The following HDAC9 variants were observed in gnomAD, a reference collection of about 807,000 sequenced individuals.
The protein encoded by HDAC9 is MEF-2 interacting transcription repressor (MITR) protein.
HDAC9 carries 41 observed loss-of-function variants against 139.4 expected under a neutral mutation model. The observed-to-expected ratio is 0.29, with a 90% CI of 0.23 to 0.38. The LOEUF is 0.38. Ranked by LOEUF, HDAC9 falls within the 10% of genes least tolerant of loss-of-function variation. The pLI, the probability that HDAC9 is intolerant of heterozygous loss-of-function variation, is 1.00. For synonymous variants in HDAC9, 517 were observed against 476.2 expected, an observed-to-expected ratio of 1.09 and a Z score of -1.12; for missense variants, 1,147 against 1,297.0, an observed-to-expected ratio of 0.88 and a Z score of 1.78.
At chr7:18,122,778 C>G (rs115912085) in intron 1 of HDAC9, among the ~76,000 whole-genome samples, 1 of 152,054 alleles carries the variant, frequency 6.6e-6, no homozygotes, top group South Asian at 2.1e-4. Flanking sequence ...GCCACCATAC[C>G]GAGCTAATTT....
chr7:18,788,542 G>T (rs1306983769), intron 16 of HDAC9, among the ~76,000 whole-genome samples: 1 of 152,002 alleles, frequency 6.6e-6, no homozygotes, highest in Non-Finnish European at 1.5e-5. Context: ...ATCACCTGAG[G>T]TCAGGAGTTC....
chr7:18,618,739 T>C (rs1056295672), intron 6 of HDAC9, among the ~76,000 whole-genome samples: 129 of 99,558 alleles, frequency 1.3e-3, no homozygotes, highest in African/African-American at 5.0e-3. Context: ...TATATATATA[T>C]ATATATATAT....
At chr7:18,712,135 G>T (rs1441915457) in intron 12 of HDAC9, among the ~76,000 whole-genome samples, 1 of 151,658 alleles carries the variant, frequency 6.6e-6, no homozygotes, top group Non-Finnish European at 1.5e-5. Context: ...AATAAATAGG[G>T]GTACTTTAAG....
At chr7:18,964,095 T>C (rs987281291) in intron 24 of HDAC9, among the ~76,000 whole-genome samples, 3 of 152,152 alleles carry the variant, frequency 2.0e-5, no homozygotes, top group Non-Finnish European at 4.4e-5. Flanking sequence ...CTTCAAGAGA[T>C]TGTCATGATG....
In HDAC9 at chr7:18,647,882, C is replaced by T; in HGVS notation, c.1133C>T (p.Ser378Phe). Residue 378 changes from serine to phenylalanine, a missense_variant, in exon 10 of 26, where the codon TCT becomes TTT. Coordinates refer to ENST00000686413, the MANE Select transcript of HDAC9 (RefSeq NM_178425.4). Reference protein sequence around the residue: ...PGQYGGSIPASSSHPHVTLEG... With the variant: ...PGQYGGSIPAFSSHPHVTLEG... Reference sequence around the variant, plus strand: ...CAGTATGGAGGCAGCATCCCGGCATCTTCCAGCCACCCTCATGTTACTTTA... The same window carrying T: ...CAGTATGGAGGCAGCATCCCGGCATTTTCCAGCCACCCTCATGTTACTTTA... 2 of 1,612,864 alleles carry T rather than the reference C, an allele frequency of 1.2e-6. No individual in the cohort carries two copies. Among genetic ancestry groups the T allele is most frequent in the Non-Finnish European group, 1.7e-6 (2 of 1,179,458 alleles).
chr7:18,161,100 G>A (rs955271050), intron 1 of HDAC9, among the ~76,000 whole-genome samples: 9 of 152,258 alleles, frequency 5.9e-5, no homozygotes, highest in Non-Finnish European at 1.2e-4. Context: ...TTATAAAAAT[G>A]TACATTTTAA....
In HDAC9 at chr7:18,762,267, G is replaced by A; in HGVS notation, c.2154G>A (p.Arg718=). 6.2e-7 allele frequency: 1 copy of A among 1,613,448 alleles called. No homozygotes were observed. The highest frequency in any genetic ancestry group is 8.5e-7 in the Non-Finnish European group (1 of 1,179,634). The stretch of plus-strand genomic sequence containing the variant: ...TGGACGGACAGAAGCTGGACCCCAG[G>A]ATACTCCTAGGTCTGTACGGGCCTC... ...NPLDGQKLDP[R]ILLGDDSQKF... The change falls in exon 15 of 26, where the codon AGG becomes AGA. Residue 718 remains arginine, a synonymous_variant. Coordinates refer to ENST00000686413, the MANE Select transcript of HDAC9 (RefSeq NM_178425.4).
intron 1 of HDAC9, among the ~76,000 whole-genome samples, chr7:18,433,178 T>C (rs1344835195): frequency 6.6e-6 from 1 of 152,184 alleles, no homozygotes; most frequent in Non-Finnish European, 1.5e-5. Context: ...AAAAAGGCTC[T>C]TGATAAAATT....
chr7:18,765,762 T>G (rs993593975), intron 15 of HDAC9, among the ~76,000 whole-genome samples: 1 of 152,196 alleles, frequency 6.6e-6, no homozygotes, highest in Non-Finnish European at 1.5e-5. Flanking sequence ...ATATTTTTGT[T>G]AGGAACAACA....
At chr7:18,500,732 C>G (rs1798147963) in intron 2 of HDAC9, among the ~76,000 whole-genome samples, 1 of 152,056 alleles carries the variant, frequency 6.6e-6, no homozygotes, top group African/African-American at 2.4e-5. Flanking sequence ...CTTTCACCAA[C>G]TAAACTTAGA....
intron 1 of HDAC9, among the ~76,000 whole-genome samples, chr7:18,412,278 C>G (rs908129678): frequency 2.0e-5 from 3 of 152,092 alleles, no homozygotes; most frequent in Admixed American, 6.5e-5. Flanking sequence ...TTTTCTTGCA[C>G]ATTCTTTATT....
At chr7:18,720,628 A>T (rs1360625721) in intron 12 of HDAC9, among the ~76,000 whole-genome samples, 1 of 131,870 alleles carries the variant, frequency 7.6e-6, no homozygotes, top group East Asian at 2.0e-4. Context: ...TTACCTTAGT[A>T]AAAAAAAAAA....
rs747552658 is a variant in HDAC9, at chr7:18,389,925, A to G, written c.-42+99410A>G. On this transcript the variant is annotated intron_variant, in intron 1 of 3. Coordinates refer to the HDAC9 transcript ENST00000413509. ...TGTGACTTCCTGAGGATACAGTTTT[A>G]TATTTATTTTGGCATTTTGTGAACA... Among the ~76,000 whole-genome samples, 14 of 152,192 alleles carry G rather than the reference A, an allele frequency of 9.2e-5. 1 individual carries two copies. Among genetic ancestry groups the G allele is most frequent in the Middle Eastern group, 3.4e-3 (1 of 294 alleles).
At chr7:18,244,030 G>A (rs1356698424) in intron 2 of HDAC9, among the ~76,000 whole-genome samples, 1 of 152,226 alleles carries the variant, frequency 6.6e-6, no homozygotes, top group Non-Finnish European at 1.5e-5. Context: ...CCATGGAGGG[G>A]AATAGACTGT....
chr7:18,206,337 T>G (rs1490466470), intron 2 of HDAC9, among the ~76,000 whole-genome samples: 1 of 152,234 alleles, frequency 6.6e-6, no homozygotes, highest in East Asian at 1.9e-4. Flanking sequence ...TGTATAAACC[T>G]GACTATTAAA....
intron 22 of HDAC9, among the ~76,000 whole-genome samples, chr7:18,877,263 C>A (rs529943097): frequency 6.6e-6 from 1 of 152,092 alleles, no homozygotes; most frequent in Non-Finnish European, 1.5e-5. Flanking sequence ...TAAAACACTC[C>A]CCACTTGGTA....
intron 2 of HDAC9, among the ~76,000 whole-genome samples, chr7:18,535,154 C>T (rs1027223976): frequency 1.3e-5 from 2 of 152,142 alleles, no homozygotes; most frequent in Admixed American, 6.5e-5. Context: ...CTCTCCTGCT[C>T]ATTCTTGTCA....
At chr7:18,365,874 G>A (rs906808618) in intron 1 of HDAC9, among the ~76,000 whole-genome samples, 2 of 151,526 alleles carry the variant, frequency 1.3e-5, no homozygotes, top group Admixed American at 1.3e-4. Context: ...GAGTTGAAGA[G>A]AAGATTAAAT....
intron 25 of HDAC9, among the ~76,000 whole-genome samples, chr7:18,980,732 T>TCTTCTTC (rs1360010404): frequency 8.1e-5 from 11 of 136,218 alleles, no homozygotes; most frequent in Non-Finnish European, 9.5e-5. Context: ...TCTTCCTTCT[T>TCTTCTTC]CTTCTTCTTC....
Sources: gnomAD v4.1 joint callset for allele counts (sites outside exome capture counted in the v4.1 genomes callset) on GRCh38, gnomAD v4.1.1 for gene constraint, MANE v1.5 for transcripts, NCBI Gene and HGNC (gene_info 2026-07-23, HGNC 2026-07-21) for gene names.